The following EPS8 variants were observed in gnomAD, a reference collection of about 807,000 sequenced individuals.
EPS8 encodes epidermal growth factor receptor kinase substrate 8.
EPS8 carries 42 observed loss-of-function variants against 103.8 expected under a neutral mutation model. The ratio of observed to expected loss-of-function variants is 0.40; its 90% confidence interval spans 0.32 to 0.52. The LOEUF is 0.52. EPS8 is among the 20% of genes least tolerant of loss of function. The pLI is 0.40. For missense variants in EPS8, 969 were observed against 1,005.1 expected, an observed-to-expected ratio of 0.96 and a Z score of 0.49; for synonymous variants, 344 against 344.6, an observed-to-expected ratio of 1.00 and a Z score of 0.02.
intron 1 of EPS8, among the ~76,000 whole-genome samples, chr12:15,720,666 T>C (rs964990003): frequency 2.0e-5 from 3 of 152,150 alleles, no homozygotes; most frequent in African/African-American, 7.2e-5. Flanking sequence ...CATAGTAAAA[T>C]CAAAGCCTCT....
intron 1 of EPS8, among the ~76,000 whole-genome samples, chr12:15,708,208 A>G (rs1004417025): frequency 6.6e-6 from 1 of 152,248 alleles, no homozygotes; most frequent in African/African-American, 2.4e-5. Context: ...TCTGCCATTT[A>G]TGAGTTATTG....
chr12:15,660,277 CTTT>C (rs758054887), intron 10 of EPS8, among the ~76,000 whole-genome samples: 5 of 141,202 alleles, frequency 3.5e-5, no homozygotes, highest in East Asian at 2.1e-4. Context: ...TACCAGAGTT[CTTT>C]TTTTTTTTTT....
chr12:15,748,171 G>A lies in EPS8; in HGVS notation c.-22+40990C>T, dbSNP rs1029717080. On this transcript the variant is annotated intron_variant, in intron 1 of 20. Coordinates refer to ENST00000281172, the MANE Select transcript of EPS8 (RefSeq NM_004447.6). The surrounding 1 kb of genome is among the most constrained non-coding windows in gnomAD (Gnocchi z 4.8). ...CCTCTTATCCTCAGATTCCTTAACA[G>A]CAAAATGGGAAATAATCATAATACC... Among the ~76,000 whole-genome samples, 1 of 152,084 alleles carries A rather than the reference G, an allele frequency of 6.6e-6. No homozygotes were observed. Among genetic ancestry groups the A allele is most frequent in the African/African-American group, 2.4e-5 (1 of 41,406 alleles).
chr12:15,638,603 G>A (rs1339574062), intron 17 of EPS8, among the ~76,000 whole-genome samples: 3 of 152,180 alleles, frequency 2.0e-5, no homozygotes, highest in Non-Finnish European at 4.4e-5. Context: ...GTGTTGAAAA[G>A]TTTAAAACGA....
chr12:15,626,997 T>C (rs1428914435), intron 18 of EPS8, among the ~76,000 whole-genome samples: 1 of 152,164 alleles, frequency 6.6e-6, no homozygotes, highest in Non-Finnish European at 1.5e-5. Context: ...TAGATAGTTT[T>C]GTCTATCATC....
intron 15 of EPS8, among the ~76,000 whole-genome samples, chr12:15,644,753 G>A (rs1945292833): frequency 1.3e-5 from 2 of 150,926 alleles, no homozygotes; most frequent in Admixed American, 6.6e-5. Context: ...TCTTTTAACA[G>A]TATCTACTGC....
rs1321702662 is a variant in EPS8 at position 15,714,408 on chromosome 12, C to T, written c.-21-31436G>A. ...GTAATCCCAGCTCTTTGATAGGCCA[C>T]GGGTGGGAGGATCCCTTGAGTCCAG... On this transcript the variant is annotated intron_variant, in intron 1 of 20. Transcript: ENST00000281172. This position sits in a 1 kb window ranked among gnomAD's most constrained non-coding sequence, Gnocchi z 4.1. Among the ~76,000 whole-genome samples, 5 of 152,074 alleles carry T rather than the reference C, an allele frequency of 3.3e-5. No individual in the cohort carries two copies. The highest frequency in any genetic ancestry group is 2.1e-4 in the South Asian group (1 of 4,820).
At chr12:15,656,159 GAAAT>G (rs1210897885) in intron 12 of EPS8, among the ~76,000 whole-genome samples, 1 of 152,094 alleles carries the variant, frequency 6.6e-6, no homozygotes, top group Non-Finnish European at 1.5e-5. Flanking sequence ...GAAAGTGTGT[GAAAT>G]AAATAAGAGG....
rs966675924 is a variant in EPS8, at chr12:15,762,880, A to T, written c.-22+26281T>A. On this transcript the variant is annotated intron_variant, in intron 1 of 20. Coordinates refer to ENST00000281172, the MANE Select transcript of EPS8 (RefSeq NM_004447.6). This position sits in a 1 kb window ranked among gnomAD's most constrained non-coding sequence, Gnocchi z 4.8. ...GGTGACTATAGTCAATAATAATTTA[A>T]TTGTACTATTCTGCATAGTGGTTAC... 1.3e-5 allele frequency among the ~76,000 whole-genome samples: 2 copies of T among 152,136 alleles called. No individual in the cohort carries two copies. Among genetic ancestry groups the T allele is most frequent in the African/African-American group, 4.8e-5 (2 of 41,444 alleles).
intron 15 of EPS8, 149 bp from the exon 16 acceptor site, chr12:15,641,979 A>C (rs1945239404): frequency 2.3e-6 from 1 of 433,620 alleles, no homozygotes; most frequent in South Asian, 5.8e-5. Context: ...TATGATAAAT[A>C]AAAGTTACTT....
At chr12:15,622,283 C>T (rs1047576926) in intron 20 of EPS8, among the ~76,000 whole-genome samples, 24 of 152,124 alleles carry the variant, frequency 1.6e-4, no homozygotes, top group African/African-American at 5.6e-4. Context: ...TCAAATCAAA[C>T]TTTAATATGG....
chr12:15,624,256 C>A lies in EPS8; in HGVS notation c.2196G>T (p.Thr732=). The change falls in exon 19 of 21, where the codon ACG becomes ACT. Residue 732 remains threonine, a synonymous_variant. Transcript: ENST00000281172. ...GGTTGAATCCCTTTGACTGTAACCA[C>A]GTCTTCACATCCTCTGGTGTGGAGT... ...TYDSTPEDVK[T]WLQSKGFNPV... 1.2e-6 allele frequency: 2 copies of A among 1,613,756 alleles called. No homozygotes were observed. The highest frequency in any genetic ancestry group is 1.7e-6 in the Non-Finnish European group (2 of 1,179,926).
rs988325714 is a variant in EPS8 at position 15,725,254 on chromosome 12, G to A, written c.-21-42282C>T. Among the ~76,000 whole-genome samples, 4 of 151,988 alleles carry A rather than the reference G, an allele frequency of 2.6e-5. No individual in the cohort carries two copies. The highest frequency in any genetic ancestry group is 9.7e-5 in the African/African-American group (4 of 41,374). On this transcript the variant is annotated intron_variant, in intron 1 of 20. Transcript: ENST00000281172. The surrounding 1 kb of genome is among the most constrained non-coding windows in gnomAD (Gnocchi z 4.5). ...GACTGTCTGGAATTTTAGCAGCAATGTGCTTTATCTCATACCACTAACTGT... is the reference window on the plus strand; with the variant it reads ...GACTGTCTGGAATTTTAGCAGCAATATGCTTTATCTCATACCACTAACTGT...
intron 18 of EPS8, among the ~76,000 whole-genome samples, chr12:15,629,259 C>T (rs534680237): frequency 6.6e-6 from 1 of 152,164 alleles, no homozygotes; most frequent in Admixed American, 6.5e-5. Flanking sequence ...GGTTTCTCAG[C>T]GTGAACAAAG....
rs1413593844 is a variant in EPS8 at position 15,752,042 on chromosome 12, T to A, written c.-22+37119A>T. ...TGGATTTGAGGTATAGTTGAGAATTTCATCATACAAGCAAGACAGAAGGCC... is the reference window on the plus strand; with the variant it reads ...TGGATTTGAGGTATAGTTGAGAATTACATCATACAAGCAAGACAGAAGGCC... On this transcript the variant is annotated intron_variant, in intron 1 of 20. Transcript: ENST00000281172. This position sits in a 1 kb window ranked among gnomAD's most constrained non-coding sequence, Gnocchi z 4.4. 6.6e-6 allele frequency among the ~76,000 whole-genome samples: 1 copy of A among 152,124 alleles called. No homozygotes were observed. Among genetic ancestry groups the A allele is most frequent in the African/African-American group, 2.4e-5 (1 of 41,398 alleles).
chr12:15,753,322 G>A (rs1039445096), intron 1 of EPS8, among the ~76,000 whole-genome samples: 1 of 152,110 alleles, frequency 6.6e-6, no homozygotes, highest in Non-Finnish European at 1.5e-5. Flanking sequence ...ATCAAAGCTG[G>A]TATGAAAATG....
intron 1 of EPS8, among the ~76,000 whole-genome samples, chr12:15,720,205 A>T (rs1369371844): frequency 1.3e-5 from 2 of 152,342 alleles, no homozygotes; most frequent in South Asian, 2.1e-4. Context: ...ATAGTACCTG[A>T]TTAATTATAA....
chr12:15,719,651 C>T (rs1819015), intron 1 of EPS8, among the ~76,000 whole-genome samples: 130,262 of 152,198 alleles, frequency 0.86, 59,331 homozygotes, highest in Non-Finnish European at 1. Context: ...TAGAGTTTGC[C>T]CAGGTGGCAG....
In EPS8 at chr12:15,764,532, T is replaced by C. The variant is rs1947073880; in HGVS notation, c.-22+24629A>G. On this transcript the variant is annotated intron_variant, in intron 1 of 20. Transcript: ENST00000281172. This position sits in a 1 kb window ranked among gnomAD's most constrained non-coding sequence, Gnocchi z 4.1. ...TGTAAACTGTAAAACCAACAGGCCT[T>C]TGAAGAACTTTTCTCTCTCTAAATC... is the stretch of plus-strand genomic sequence containing the variant. Among the ~76,000 whole-genome samples, 1 of 152,214 alleles carries C rather than the reference T, an allele frequency of 6.6e-6. No homozygotes were observed. The highest frequency in any genetic ancestry group is 1.5e-5 in the Non-Finnish European group (1 of 68,036).
Sources: gnomAD v4.1 joint callset for allele counts (sites outside exome capture counted in the v4.1 genomes callset) on GRCh38, gnomAD v4.1.1 for gene constraint, Gnocchi (gnomAD v3.1) non-coding constraint, MANE v1.5 for transcripts, NCBI Gene and HGNC (gene_info 2026-07-23, HGNC 2026-07-21) for gene names.